SLC71A2: variants seen among roughly 807,000 people sequenced by gnomAD.
SLC71A2 encodes the protein hippocampus abundant transcript-like 1.
the SLC71A2 span, among the ~76,000 whole-genome samples, chr9:94,383,363 A>T: frequency 6.6e-6 from 1 of 151,670 alleles, no homozygotes; most frequent in South Asian, 2.1e-4. Context: ...GGGTTTTACC[A>T]TGTTGGCCAG....
chr9:94,413,273 G>T, the SLC71A2 span, among the ~76,000 whole-genome samples: 1 of 152,174 alleles, frequency 6.6e-6, no homozygotes, highest in African/African-American at 2.4e-5. Context: ...TTCAAATAAG[G>T]TATGTAGATT....
chr9:94,386,039 C>T, the SLC71A2 span, among the ~76,000 whole-genome samples: 3 of 151,954 alleles, frequency 2.0e-5, no homozygotes, highest in Non-Finnish European at 4.4e-5. Flanking sequence ...TGTATTGAAT[C>T]TGTAAATCAC....
chr9:94,399,878 T>A, the SLC71A2 span, among the ~76,000 whole-genome samples: 8 of 151,580 alleles, frequency 5.3e-5, no homozygotes, highest in Non-Finnish European at 1.0e-4. Flanking sequence ...CGATCTCGGC[T>A]CACTACAACC....
chr9:94,423,261 CTCTCT>C, the SLC71A2 span, among the ~76,000 whole-genome samples: 7 of 110,054 alleles, frequency 6.4e-5, no homozygotes, highest in South Asian at 3.0e-4. Flanking sequence ...TGTTCTCTCT[CTCTCT>C]TTTTTTTTTT....
the SLC71A2 span, among the ~76,000 whole-genome samples, chr9:94,407,527 C>T: frequency 5.9e-5 from 9 of 152,016 alleles, no homozygotes; most frequent in African/African-American, 2.2e-4. Context: ...TACAGGCACG[C>T]ACTACCACGC....
the SLC71A2 span, chr9:94,459,096 G>A: frequency 6.6e-7 from 1 of 1,523,704 alleles, no homozygotes; most frequent in Non-Finnish European, 8.9e-7. Flanking sequence ...GGGTAATCTA[G>A]GAATAATTTT....
chr9:94,442,185 T>C, the SLC71A2 span, among the ~76,000 whole-genome samples: 1 of 152,222 alleles, frequency 6.6e-6, no homozygotes, highest in African/African-American at 2.4e-5. Context: ...ATTTATCTCC[T>C]TTTCCTGGGT....
chr9:94,415,254 G>C, the SLC71A2 span: 28 of 1,605,876 alleles, frequency 1.7e-5, no homozygotes, highest in Non-Finnish European at 2.3e-5. Context: ...AATGTTGACT[G>C]TAAGTATTGC....
At chr9:94,439,486 G>A in the SLC71A2 span, among the ~76,000 whole-genome samples, 1 of 151,062 alleles carries the variant, frequency 6.6e-6, no homozygotes, top group Non-Finnish European at 1.5e-5. Context: ...TCTTTCTTAT[G>A]TGAAGAACAC....
the SLC71A2 span, among the ~76,000 whole-genome samples, chr9:94,396,404 A>G: frequency 6.6e-6 from 1 of 152,198 alleles, no homozygotes; most frequent in Non-Finnish European, 1.5e-5. Flanking sequence ...AGTTTCAGCT[A>G]CTGGGAAGGC....
chr9:94,435,598 G>A, the SLC71A2 span, among the ~76,000 whole-genome samples: 1 of 149,482 alleles, frequency 6.7e-6, no homozygotes, highest in African/African-American at 2.5e-5. Context: ...ATTACAAGTA[G>A]ACTTCCACAC....
At chr9:94,453,639 C>T in the SLC71A2 span, among the ~76,000 whole-genome samples, 1 of 152,156 alleles carries the variant, frequency 6.6e-6, no homozygotes, top group Non-Finnish European at 1.5e-5. Flanking sequence ...AGTATTTCTC[C>T]AGAGACTGAG....
At chr9:94,437,240 G>A in the SLC71A2 span, among the ~76,000 whole-genome samples, 1 of 141,454 alleles carries the variant, frequency 7.1e-6, no homozygotes, top group Non-Finnish European at 1.5e-5. Flanking sequence ...GAATTTTTAA[G>A]ATGTATCATG....
the SLC71A2 span, among the ~76,000 whole-genome samples, chr9:94,384,107 T>A: frequency 0.017 from 2,509 of 152,008 alleles, 37 homozygotes; most frequent in Non-Finnish European, 0.022. Context: ...CAGAACTACT[T>A]CTTCTTTCAA....
the SLC71A2 span, among the ~76,000 whole-genome samples, chr9:94,437,993 AT>A: frequency 6.6e-6 from 1 of 151,864 alleles, no homozygotes; most frequent in Non-Finnish European, 1.5e-5. Flanking sequence ...CAAAGGCGTG[AT>A]CTTGGTTCAC....
chr9:94,409,185 A>G, the SLC71A2 span, among the ~76,000 whole-genome samples: 4 of 115,028 alleles, frequency 3.5e-5, no homozygotes, highest in African/African-American at 1.4e-4. Flanking sequence ...CTTCTCCCAG[A>G]CTGGAGTACA....
the SLC71A2 span, among the ~76,000 whole-genome samples, chr9:94,437,777 G>T: frequency 6.9e-6 from 1 of 144,052 alleles, no homozygotes; most frequent in Non-Finnish European, 1.5e-5. Context: ...GCTTCTTCCC[G>T]TATGCTTGGT....
At chr9:94,438,853 T>G in the SLC71A2 span, among the ~76,000 whole-genome samples, 1 of 152,224 alleles carries the variant, frequency 6.6e-6, no homozygotes, top group Non-Finnish European at 1.5e-5. Context: ...CAATCCTGTC[T>G]TCATTACTGT....
the SLC71A2 span, among the ~76,000 whole-genome samples, chr9:94,385,336 T>G: frequency 6.6e-6 from 1 of 152,238 alleles, no homozygotes. Context: ...TTTTGCCCTA[T>G]GTTTTCTTCT....
Sources: gnomAD v4.1 joint callset for allele counts (sites outside exome capture counted in the v4.1 genomes callset) on GRCh38, gnomAD v4.1.1 for gene constraint, MANE v1.5 for transcripts, NCBI Gene and HGNC (gene_info 2026-07-23, HGNC 2026-07-21) for gene names.